The following ZMAT4 variants were observed in gnomAD, a reference collection of about 807,000 sequenced individuals.
ZMAT4 encodes the protein zinc finger matrin-type 4, also known as zinc finger matrin-type protein 4.
In ZMAT4, 17 loss-of-function variants were observed where a neutral mutation model predicts 28.7. The observed-to-expected ratio is 0.59, with a 90% CI of 0.41 to 0.89. The LOEUF (loss-of-function observed/expected upper bound fraction) is 0.89, where lower values mean the gene tolerates loss of function less well. Ranked by LOEUF, ZMAT4 falls within the 40% of genes least tolerant of loss-of-function variation. ZMAT4 has a pLI of 0.00. For synonymous variants in ZMAT4, 117 were observed against 109.2 expected, an observed-to-expected ratio of 1.07 and a Z score of -0.44; for missense variants, 240 against 283.8, an observed-to-expected ratio of 0.85 and a Z score of 1.11.
chr8:40,720,853 C>A (rs976349026), intron 3 of ZMAT4, among the ~76,000 whole-genome samples: 1 of 151,890 alleles, frequency 6.6e-6, no homozygotes, highest in East Asian at 1.9e-4. Flanking sequence ...AGCCCTGTTT[C>A]CTTTTAGCAC....
rs531938974 is a variant in ZMAT4, at chr8:40,840,082, T to C, written c.-4-14402A>G. Among the ~76,000 whole-genome samples, 33 of 152,312 alleles carry C rather than the reference T, an allele frequency of 2.2e-4. No homozygotes were observed. The South Asian group carries it at 6.6e-3, about 31-fold the overall frequency. ...TTAAAATAAGTACTTGGAAATCTTG[T>C]GGTGGACAAGGGAGATGCATGGCTG... On this transcript the variant is annotated intron_variant, in intron 1 of 6. Transcript: ENST00000297737.
chr8:40,775,742 A>G (rs879814061), intron 2 of ZMAT4, among the ~76,000 whole-genome samples: 2 of 152,162 alleles, frequency 1.3e-5, no homozygotes, highest in Non-Finnish European at 2.9e-5. Flanking sequence ...GATCGTGGAC[A>G]TTTGTTTTAT....
intron 4 of ZMAT4, among the ~76,000 whole-genome samples, chr8:40,682,036 T>C (rs866800383): frequency 6.6e-6 from 1 of 152,094 alleles, no homozygotes; most frequent in Non-Finnish European, 1.5e-5. Flanking sequence ...CTACTACTAT[T>C]ACTATATATA....
intron 2 of ZMAT4, among the ~76,000 whole-genome samples, chr8:40,768,789 C>T (rs528382007): frequency 3.3e-5 from 5 of 152,310 alleles, no homozygotes; most frequent in Non-Finnish European, 5.9e-5. Context: ...CCTCTCGAAT[C>T]TATTGTTCCC....
At chr8:40,615,211 C>T (rs1026962105) in intron 5 of ZMAT4, among the ~76,000 whole-genome samples, 5 of 152,204 alleles carry the variant, frequency 3.3e-5, no homozygotes, top group Non-Finnish European at 5.9e-5. Context: ...ATATGAAATT[C>T]TGGGTTGAAA....
intron 4 of ZMAT4, among the ~76,000 whole-genome samples, chr8:40,687,135 A>C (rs911487500): frequency 6.6e-6 from 1 of 152,208 alleles, no homozygotes; most frequent in African/African-American, 2.4e-5. Context: ...AGAGGCAGAG[A>C]GATGATATGA....
chr8:40,738,601 C>T (rs1006873811), intron 3 of ZMAT4, among the ~76,000 whole-genome samples: 2 of 152,122 alleles, frequency 1.3e-5, no homozygotes, highest in Admixed American at 6.5e-5. Flanking sequence ...TGCCTGTTGT[C>T]CCCCCAGCAA....
chr8:40,596,293 C>T (rs183385191), intron 5 of ZMAT4, among the ~76,000 whole-genome samples: 19 of 152,206 alleles, frequency 1.2e-4, no homozygotes, highest in South Asian at 4.2e-4. Flanking sequence ...GCTTAGGCTA[C>T]GCTAAATTTA....
At chr8:40,601,586 GA>G (rs1444994311) in intron 5 of ZMAT4, among the ~76,000 whole-genome samples, 12 of 8,388 alleles carry the variant, frequency 1.4e-3, no homozygotes, top group Non-Finnish European at 2.7e-3. Flanking sequence ...AAGAAAGAAA[GA>G]AAGAAAGAAA....
chr8:40,582,342 A>T (rs973247273), intron 5 of ZMAT4, among the ~76,000 whole-genome samples: 1 of 152,320 alleles, frequency 6.6e-6, no homozygotes, highest in African/African-American at 2.4e-5. Context: ...CTCAAAAAAA[A>T]TATTTTTAAA....
At chr8:40,665,318 C>A (rs1307187814) in intron 5 of ZMAT4, among the ~76,000 whole-genome samples, 1 of 152,220 alleles carries the variant, frequency 6.6e-6, no homozygotes, top group East Asian at 1.9e-4. Flanking sequence ...GTCGCACATA[C>A]TACTTTCATG....
intron 1 of ZMAT4, among the ~76,000 whole-genome samples, chr8:40,838,951 T>G (rs1326501341): frequency 6.6e-6 from 1 of 152,150 alleles, no homozygotes; most frequent in Non-Finnish European, 1.5e-5. Flanking sequence ...CCATCTAATC[T>G]CACCCTTTCA....
At chr8:40,573,211 AG>A (rs894313755) in intron 6 of ZMAT4, among the ~76,000 whole-genome samples, 3 of 152,184 alleles carry the variant, frequency 2.0e-5, no homozygotes, top group African/African-American at 4.8e-5. Flanking sequence ...ATGTGTCTAA[AG>A]GGTTGCCTAA....
intron 6 of ZMAT4, among the ~76,000 whole-genome samples, chr8:40,576,531 G>GAAAA (rs202047657): frequency 1.2e-4 from 16 of 130,060 alleles, no homozygotes; most frequent in Admixed American, 4.6e-4. Flanking sequence ...GGGCTGAAAG[G>GAAAA]AAAAAAAAAA....
At chr8:40,877,329 G>A (rs1270509877) in intron 1 of ZMAT4, among the ~76,000 whole-genome samples, 1 of 152,112 alleles carries the variant, frequency 6.6e-6, no homozygotes, top group Non-Finnish European at 1.5e-5. Flanking sequence ...ACTTCATTAC[G>A]ACTGCACTAG....
At chr8:40,590,268 G>C (rs747664580) in intron 5 of ZMAT4, among the ~76,000 whole-genome samples, 36 of 151,720 alleles carry the variant, frequency 2.4e-4, no homozygotes, top group South Asian at 8.4e-4. Context: ...CTGGGCTCAA[G>C]CAATCCTTCC....
rs74837681 is a variant in ZMAT4, at chr8:40,756,333, T to C, written c.192+11308A>G. Among the ~76,000 whole-genome samples, 137 of 150,188 alleles carry C rather than the reference T, an allele frequency of 9.1e-4. 1 individual carries two copies. The East Asian group carries it at 0.025, about 27-fold the overall frequency. On this transcript the variant is annotated intron_variant, in intron 3 of 6. Transcript: ENST00000297737. ...GGCAGCCCCGGGCAGTGTAGACGAA[T>C]ACAGCTTCCATGGAGAAACACAGCA...
chr8:40,595,109 C>T (rs1304370828), intron 5 of ZMAT4, among the ~76,000 whole-genome samples: 1 of 152,114 alleles, frequency 6.6e-6, no homozygotes, highest in African/African-American at 2.4e-5. Flanking sequence ...CGTGTAATTG[C>T]ACGTTTTTTA....
At chr8:40,711,887 G>A (rs1810639476) in intron 3 of ZMAT4, among the ~76,000 whole-genome samples, 1 of 152,064 alleles carries the variant, frequency 6.6e-6, no homozygotes, top group South Asian at 2.1e-4. Context: ...CCTGGGTAGT[G>A]GTTATAATAG....
Sources: allele counts gnomAD v4.1 joint callset (sites outside exome capture counted in the v4.1 genomes callset), GRCh38; gene constraint gnomAD v4.1.1; transcripts MANE v1.5; gene names NCBI Gene and HGNC (gene_info 2026-07-23, HGNC 2026-07-21).